ZFAND3: variants seen among roughly 807,000 people sequenced by gnomAD.
ZFAND3 encodes AN1-type zinc finger protein 3.
In ZFAND3, 10 loss-of-function variants were observed where a neutral mutation model predicts 29.6. The ratio of observed to expected loss-of-function variants is 0.34; its 90% CI spans 0.21 to 0.57. The LOEUF (loss-of-function observed/expected upper bound fraction) is 0.57. Among genes scored for constraint, ZFAND3 ranks in the 20% least tolerant of loss-of-function variants. ZFAND3 has a pLI of 0.86. For synonymous variants in ZFAND3, 128 were observed against 112.6 expected, an observed-to-expected ratio of 1.14 and a Z score of -0.87; for missense variants, 230 against 304.5, an observed-to-expected ratio of 0.76 and a Z score of 1.82.
intron 1 of ZFAND3, among the ~76,000 whole-genome samples, chr6:37,858,406 T>A (rs1764422125): frequency 6.6e-6 from 1 of 152,224 alleles, no homozygotes; most frequent in Admixed American, 6.5e-5. Flanking sequence ...AGGGTTATGC[T>A]TGACGTGCCG....
rs79393941 is a variant in ZFAND3 at position 37,907,937 on chromosome 6, A to T, written c.72-22022A>T. ...TAAGAATGAGAACATTCACATACATAACCACGATTTTATCACACTTAAGAA... is the reference window on the plus strand; with the variant it reads ...TAAGAATGAGAACATTCACATACATTACCACGATTTTATCACACTTAAGAA... On this transcript the variant is annotated intron_variant, in intron 1 of 5. Transcript: ENST00000287218. 2.1e-3 allele frequency among the ~76,000 whole-genome samples: 324 copies of T among 152,352 alleles called. 2 individuals are homozygous for T. The highest frequency in any genetic ancestry group is 7.5e-3 in the African/African-American group (313 of 41,588).
At chr6:37,862,385 G>A (rs921854109) in intron 1 of ZFAND3, among the ~76,000 whole-genome samples, 1 of 151,888 alleles carries the variant, frequency 6.6e-6, no homozygotes, top group African/African-American at 2.4e-5. Flanking sequence ...TAACGAGTTG[G>A]AATTTAAATC....
intron 4 of ZFAND3, among the ~76,000 whole-genome samples, chr6:38,111,306 T>C (rs1399512294): frequency 2.6e-5 from 4 of 152,234 alleles, no homozygotes. Flanking sequence ...AAATGGATGA[T>C]TGTGTCGTAC....
At position 38,014,471 on chromosome 6, in the gene ZFAND3, C is replaced by T. The variant is rs1487849806; in HGVS notation, c.113-47122C>T. Among the ~76,000 whole-genome samples, 3 of 151,984 alleles carry T rather than the reference C, an allele frequency of 2.0e-5. No homozygotes were observed. The East Asian group carries it at 5.8e-4, about 29-fold the overall frequency. ...CCTCCCGAGTAGCTGGGATTACAGG[C>T]ACCTGCCACCATGCCCAGCTAATTT... On this transcript the variant is annotated intron_variant, in intron 2 of 5. Coordinates refer to ENST00000287218, the MANE Select transcript of ZFAND3 (RefSeq NM_021943.3).
chr6:37,879,576 T>A (rs1764854700), intron 1 of ZFAND3, among the ~76,000 whole-genome samples: 1 of 152,218 alleles, frequency 6.6e-6, no homozygotes, highest in Non-Finnish European at 1.5e-5. Context: ...TTAACTGTAA[T>A]TAAAGGTACT....
At chr6:38,022,701 A>G (rs912356259) in intron 2 of ZFAND3, among the ~76,000 whole-genome samples, 1 of 152,228 alleles carries the variant, frequency 6.6e-6, no homozygotes, top group African/African-American at 2.4e-5. Flanking sequence ...GTTTGAGTCT[A>G]AAGACTTTAA....
intron 2 of ZFAND3, among the ~76,000 whole-genome samples, chr6:37,982,788 G>A (rs745324652): frequency 3.3e-5 from 5 of 152,018 alleles, no homozygotes; most frequent in African/African-American, 4.8e-5. Flanking sequence ...CAACTCCTTC[G>A]GGAGGTATTC....
At chr6:37,970,095 T>A (rs958610978) in intron 2 of ZFAND3, among the ~76,000 whole-genome samples, 13 of 151,946 alleles carry the variant, frequency 8.6e-5, no homozygotes, top group South Asian at 2.1e-4. Context: ...ACCATTGCAC[T>A]CCAGTTTGGG....
At chr6:38,103,392 CACAT>C (rs1266641036) in intron 4 of ZFAND3, among the ~76,000 whole-genome samples, 7 of 147,278 alleles carry the variant, frequency 4.8e-5, no homozygotes, top group African/African-American at 1.3e-4. Context: ...TATACACACA[CACAT>C]ATATATACAC....
chr6:38,034,640 G>A (rs1417276029), intron 2 of ZFAND3, among the ~76,000 whole-genome samples: 1 of 151,958 alleles, frequency 6.6e-6, no homozygotes, highest in Admixed American at 6.6e-5. Context: ...TTTTAAAAAG[G>A]GGAAGAAAAA....
At chr6:37,969,364 GT>G (rs1762346228) in intron 2 of ZFAND3, among the ~76,000 whole-genome samples, 1 of 152,198 alleles carries the variant, frequency 6.6e-6, no homozygotes, top group Non-Finnish European at 1.5e-5. Context: ...AATGCCGTAA[GT>G]CAAAAAGGTG....
intron 1 of ZFAND3, among the ~76,000 whole-genome samples, chr6:37,913,756 G>A (rs1761176024): frequency 7.2e-6 from 1 of 138,704 alleles, no homozygotes; most frequent in Non-Finnish European, 1.6e-5. Flanking sequence ...TGTTGCCCAG[G>A]CTGGAGTGCA....
chr6:37,991,801 G>C (rs1762763700), intron 2 of ZFAND3, among the ~76,000 whole-genome samples: 1 of 152,094 alleles, frequency 6.6e-6, no homozygotes, highest in African/African-American at 2.4e-5. Flanking sequence ...CTATTTTGGA[G>C]TTTCATATTT....
At chr6:37,930,045 C>CTTTTTTTTTTTTTTTT in intron 2 of ZFAND3, 46 bp downstream of exon 2, 3 of 1,163,314 alleles carry the variant, frequency 2.6e-6, no homozygotes, top group South Asian at 1.7e-5. Flanking sequence ...ATTTTTCTTT[C>CTTTTTTTTTTTTTTTT]TTTTTTTTTT....
intron 5 of ZFAND3, among the ~76,000 whole-genome samples, chr6:38,122,888 T>C (rs1285851358): frequency 6.6e-6 from 1 of 152,138 alleles, no homozygotes; most frequent in East Asian, 1.9e-4. Context: ...GACTCAGATA[T>C]GGGAAATGAG....
At chr6:38,020,729 AAG>A (rs1319929322) in intron 2 of ZFAND3, among the ~76,000 whole-genome samples, 3 of 152,152 alleles carry the variant, frequency 2.0e-5, no homozygotes, top group African/African-American at 7.2e-5. Flanking sequence ...TTGTATCTCT[AAG>A]TTAATTTTCT....
At chr6:37,901,415 C>T (rs1765316588) in intron 1 of ZFAND3, among the ~76,000 whole-genome samples, 1 of 152,132 alleles carries the variant, frequency 6.6e-6, no homozygotes, top group East Asian at 1.9e-4. Flanking sequence ...AAGTTCGAGA[C>T]CAGCCTGGGC....
At chr6:37,992,345 A>G (rs895470889) in intron 2 of ZFAND3, among the ~76,000 whole-genome samples, 1 of 152,208 alleles carries the variant, frequency 6.6e-6, no homozygotes, top group African/African-American at 2.4e-5. Context: ...GTGCAAATAA[A>G]TGAAAAGAGT....
chr6:38,096,913 G>C (rs1764992680), intron 4 of ZFAND3, among the ~76,000 whole-genome samples: 1 of 152,006 alleles, frequency 6.6e-6, no homozygotes, highest in South Asian at 2.1e-4. Context: ...TTAGCGGTTA[G>C]ATTTGTCATT....
Sources: gnomAD v4.1 joint callset for allele counts (sites outside exome capture counted in the v4.1 genomes callset) on GRCh38, gnomAD v4.1.1 for gene constraint, MANE v1.5 for transcripts, NCBI Gene and HGNC (gene_info 2026-07-23, HGNC 2026-07-21) for gene names.